The following VDAC1 variants were observed in gnomAD, a reference collection of about 807,000 sequenced individuals.
VDAC1 encodes non-selective voltage-gated ion channel VDAC1.
VDAC1 carries 10 observed loss-of-function variants against 34.7 expected under a neutral mutation model. The observed-to-expected ratio is 0.29, with a 90% CI of 0.18 to 0.49. The LOEUF (loss-of-function observed/expected upper bound fraction) is 0.49, where lower values mean the gene tolerates loss of function less well. VDAC1 is among the 20% of genes least tolerant of loss of function. VDAC1 has a pLI of 0.99. For missense variants in VDAC1, 230 were observed against 347.9 expected (o/e 0.66, Z 2.69); for synonymous variants, 130 against 136.0 (o/e 0.96, Z 0.30).
chr5:134,071,507 C>A, the VDAC1 span, among the ~76,000 whole-genome samples: 44 of 152,344 alleles, frequency 2.9e-4, no homozygotes, highest in Admixed American at 2.9e-3. This position sits in a 1 kb window ranked among gnomAD's most constrained non-coding sequence, Gnocchi z 4.1. Context: ...AGCCTCAGGG[C>A]TCTCAGCCTC....
intron 5 of VDAC1, among the ~76,000 whole-genome samples, chr5:133,990,390 G>T (rs79018631): frequency 0.017 from 2,536 of 152,300 alleles, 27 homozygotes; most frequent in Non-Finnish European, 0.026. Context: ...TACATCACCA[G>T]CAGCCTAACT....
chr5:134,097,892 T>TA, the VDAC1 span, among the ~76,000 whole-genome samples: 41 of 152,040 alleles, frequency 2.7e-4, no homozygotes, highest in African/African-American at 9.6e-4. Context: ...TTTTTTGAGA[T>TA]AGAGTTTCGC....
At chr5:134,050,206 G>A in the VDAC1 span, among the ~76,000 whole-genome samples, 2 of 152,188 alleles carry the variant, frequency 1.3e-5, no homozygotes, top group Non-Finnish European at 2.9e-5. Flanking sequence ...CCGAGATCAC[G>A]CCATTGCACT....
chr5:133,975,848 T>C (rs990135305), intron 7 of VDAC1, 23 bp downstream of exon 7: 6 of 1,610,230 alleles, frequency 3.7e-6, no homozygotes, highest in Non-Finnish European at 5.1e-6. Flanking sequence ...GCCTGTGAGA[T>C]GCGTGATTCC....
chr5:134,019,014 G>T, the VDAC1 span, among the ~76,000 whole-genome samples: 1 of 152,054 alleles, frequency 6.6e-6, no homozygotes, highest in Non-Finnish European at 1.5e-5. Context: ...CCTTGACTCT[G>T]CCCCATGCAT....
chr5:134,074,872 G>A, the VDAC1 span, among the ~76,000 whole-genome samples: 1 of 152,092 alleles, frequency 6.6e-6, no homozygotes, highest in Non-Finnish European at 1.5e-5. Context: ...ACCACCAAAG[G>A]CTCCTTTGCC....
chr5:134,073,538 G>A, the VDAC1 span, among the ~76,000 whole-genome samples: 5 of 152,206 alleles, frequency 3.3e-5, no homozygotes, highest in South Asian at 8.3e-4. Context: ...AGACCTCATC[G>A]CCAAACAAAA....
At chr5:134,076,549 C>G in the VDAC1 span, among the ~76,000 whole-genome samples, 1 of 152,342 alleles carries the variant, frequency 6.6e-6, no homozygotes, top group East Asian at 1.9e-4. Flanking sequence ...GAGCACCCAG[C>G]ACAGCCCAGT....
chr5:134,106,530 C>T, the VDAC1 span, among the ~76,000 whole-genome samples: 379 of 152,030 alleles, frequency 2.5e-3, 1 homozygote, highest in African/African-American at 8.8e-3. Flanking sequence ...GCCTCAGCCT[C>T]CCGAGTATCT....
the VDAC1 span, among the ~76,000 whole-genome samples, chr5:134,074,385 AG>A: frequency 1.6e-4 from 24 of 152,298 alleles, no homozygotes; most frequent in Middle Eastern, 6.8e-3. Flanking sequence ...ACTTTGAAAA[AG>A]GACATTAAAC....
At chr5:134,002,452 C>T (rs1580734098) in intron 1 of VDAC1, among the ~76,000 whole-genome samples, 1 of 152,224 alleles carries the variant, frequency 6.6e-6, no homozygotes, top group Non-Finnish European at 1.5e-5. Context: ...AGGCCCAACA[C>T]CTTCTGTAGA....
chr5:134,110,855 AAAAGG>A, the VDAC1 span, among the ~76,000 whole-genome samples: 6 of 152,290 alleles, frequency 3.9e-5, no homozygotes, highest in African/African-American at 1.4e-4. Flanking sequence ...AGCTTGAAAG[AAAAGG>A]AAAGGAAATG....
the VDAC1 span, among the ~76,000 whole-genome samples, chr5:134,043,119 G>T: frequency 6.6e-6 from 1 of 152,250 alleles, no homozygotes; most frequent in Non-Finnish European, 1.5e-5. Flanking sequence ...TGGGGCAGGG[G>T]TGGCAGGAGA....
At chr5:134,062,613 T>G in the VDAC1 span, among the ~76,000 whole-genome samples, 1 of 145,132 alleles carries the variant, frequency 6.9e-6, no homozygotes, top group African/African-American at 2.8e-5. Flanking sequence ...CAGCTTTTGT[T>G]TGTTTTTTGT....
chr5:134,055,927 C>A, the VDAC1 span, among the ~76,000 whole-genome samples: 7 of 151,630 alleles, frequency 4.6e-5, no homozygotes, highest in Non-Finnish European at 1.0e-4. Context: ...AACTTGCTTA[C>A]CTAAATAGAT....
intron 8 of VDAC1, 96 bp downstream of exon 8, chr5:133,973,695 T>C: frequency 8.9e-7 from 1 of 1,129,786 alleles, no homozygotes; most frequent in Non-Finnish European, 1.3e-6. Flanking sequence ...CCCACTGTAT[T>C]ATATAAACAT....
chr5:134,003,451 A>G (rs1436284480), intron 1 of VDAC1, among the ~76,000 whole-genome samples: 1 of 152,262 alleles, frequency 6.6e-6, no homozygotes, highest in Non-Finnish European at 1.5e-5. Flanking sequence ...AGATCTCCAC[A>G]TGCAAACTTA....
At chr5:133,999,546 AC>A (rs1271845771) in intron 1 of VDAC1, among the ~76,000 whole-genome samples, 1 of 152,188 alleles carries the variant, frequency 6.6e-6, no homozygotes, top group Non-Finnish European at 1.5e-5. Context: ...AACGTGAGGT[AC>A]TTGCAGAAGA....
chr5:134,042,347 C>T, the VDAC1 span, among the ~76,000 whole-genome samples: 1 of 152,192 alleles, frequency 6.6e-6, no homozygotes, highest in Admixed American at 6.5e-5. Flanking sequence ...CTGGACCTCA[C>T]GGCCCCCACC....
Sources: gnomAD v4.1 joint callset for allele counts (sites outside exome capture counted in the v4.1 genomes callset) on GRCh38, gnomAD v4.1.1 for gene constraint, Gnocchi (gnomAD v3.1) non-coding constraint, MANE v1.5 for transcripts, NCBI Gene and HGNC (gene_info 2026-07-23, HGNC 2026-07-21) for gene names.